SMARCB1: variants seen among roughly 807,000 people sequenced by gnomAD.
The protein encoded by SMARCB1 is SWI/SNF related BAF chromatin remodeling complex subunit B1, also known as SWI/SNF-related matrix-associated actin-dependent regulator of chromatin subfamily B member 1.
In SMARCB1, 5 loss-of-function variants were observed where a neutral mutation model predicts 49.0. The ratio of observed to expected loss-of-function variants is 0.10; its 90% CI spans 0.05 to 0.21. The LOEUF (loss-of-function observed/expected upper bound fraction) is 0.21. Among genes scored for constraint, SMARCB1 ranks in the 10% least tolerant of loss-of-function variants. SMARCB1 has a pLI of 1.00. For synonymous variants in SMARCB1, 201 were observed against 200.1 expected (o/e 1.00, Z -0.04); for missense variants, 226 against 509.2 (o/e 0.44, Z 5.35).
intron 4 of SMARCB1, 21 bp downstream of exon 4, chr22:23,801,102 T>A (rs1171142112): frequency 6.2e-7 from 1 of 1,614,086 alleles, no homozygotes; most frequent in Non-Finnish European, 8.5e-7. Flanking sequence ...ATCGCTGCAC[T>A]CACCCTCCGT....
chr22:23,834,574 G>A lies in SMARCB1; in HGVS notation c.*394G>A, dbSNP rs2030885606. ...ATAAAAATAATGAGAGCCAGGAGTG[G>A]GGCCGGGGCCTGGGGGGACGAAGGT... On this transcript the variant is annotated 3_prime_UTR_variant, in exon 9 of 9. Transcript: ENST00000644036. 1 of 693,128 alleles carries A rather than the reference G, an allele frequency of 1.4e-6. No individual in the cohort carries two copies. Among genetic ancestry groups the A allele is most frequent in the Non-Finnish European group, 2.6e-6 (1 of 387,592 alleles). The allele number at this position is 693,128 out of a possible 1,614,324, so 42.9% of individuals were successfully genotyped here. A position where few individuals can be genotyped will look rare whatever the true frequency, so the allele number is the denominator to read the frequency against.
Position 23,836,376 on chromosome 22 carries a change from T to TA in SMARCB1, c.*2197dup. ...AAGGCACCACTGGCAGGAACATCTGTAGGCTGGTTTGGCACAACCTAGGAG... is the reference window on the plus strand; with the variant it reads ...AAGGCACCACTGGCAGGAACATCTGTAAGGCTGGTTTGGCACAACCTAGGAG... On this transcript the variant is annotated 3_prime_UTR_variant, in exon 9 of 9. Coordinates refer to ENST00000644036, the MANE Select transcript of SMARCB1 (RefSeq NM_003073.5). 1.0e-6 allele frequency: 1 copy of TA among 985,574 alleles called. No individual in the cohort carries two copies. Among genetic ancestry groups the TA allele is most frequent in the Non-Finnish European group, 1.2e-6 (1 of 829,964 alleles). The allele number at this position is 985,574 out of a possible 1,614,324, so 61.1% of individuals were successfully genotyped here. A position where few individuals can be genotyped will look rare whatever the true frequency, so the allele number is the denominator to read the frequency against.
At position 23,837,504 on chromosome 22, in the gene SMARCB1, G is replaced by GT. The variant is rs370656125; in HGVS notation, c.*3325dup. On this transcript the variant is annotated 3_prime_UTR_variant, in exon 9 of 9. Transcript: ENST00000644036. ...TGTGGGCCGGCTGGCTTGAGGGGCTGTAAGAGCACAGCAGCTGGGAGGGCA... is the reference window on the plus strand; with the variant it reads ...TGTGGGCCGGCTGGCTTGAGGGGCTGTTAAGAGCACAGCAGCTGGGAGGGCA... The GT allele has an allele frequency of 3.7e-6, 3 of 820,268 alleles. No individual in the cohort carries two copies. The African/African-American group carries it at 5.2e-5, about 14-fold the overall frequency. The allele number at this position is 820,268 out of a possible 1,614,324, so 50.8% of individuals were successfully genotyped here.
intron 5 of SMARCB1, 48 bp from the exon 6 acceptor site, chr22:23,816,722 C>G (rs753904872): frequency 2.5e-5 from 39 of 1,553,238 alleles, no homozygotes; most frequent in Middle Eastern, 1.7e-4. Context: ...CGGTCCATGC[C>G]CAAGCATGGT....
chr22:23,802,126 T>C (rs1000192186), intron 4 of SMARCB1: 78 of 154,050 alleles, frequency 5.1e-4, no homozygotes, highest in Middle Eastern at 3.3e-3. Flanking sequence ...GCAGCTGGTG[T>C]GGCCTCTGCT....
rs558430956 is a variant in SMARCB1 at position 23,807,238 on chromosome 22, G to C, written c.628+3816G>C. Among the ~76,000 whole-genome samples the C allele has an allele frequency of 3.3e-3, 506 of 152,308 alleles. 1 individual carries two copies. The highest frequency in any genetic ancestry group is 0.012 in the African/African-American group (481 of 41,574). ...GGCAAAGGAGTGATTAGGGCCCTGA[G>C]TGTCTACACTTGGCTACAGAAGGCA... On this transcript the variant is annotated intron_variant, in intron 5 of 8. Transcript: ENST00000644036.
At chr22:23,812,085 C>T (rs531663844) in intron 5 of SMARCB1, among the ~76,000 whole-genome samples, 1 of 152,166 alleles carries the variant, frequency 6.6e-6, no homozygotes, top group Admixed American at 6.5e-5. Flanking sequence ...ACACAAAGTA[C>T]CACAACTCAT....
At chr22:23,829,295 G>A (rs11912668) in intron 7 of SMARCB1, among the ~76,000 whole-genome samples, 18,744 of 152,224 alleles carry the variant, frequency 0.12, 1,240 homozygotes, top group South Asian at 0.27. Flanking sequence ...TAGAACCTGG[G>A]GTGAGGATGG....
Position 23,837,197 on chromosome 22 carries a change from A to C in SMARCB1, c.*3017A>C, listed in dbSNP as rs762190806. 6.2e-7 allele frequency: 1 copy of C among 1,607,478 alleles called. No individual in the cohort carries two copies. The highest frequency in any genetic ancestry group is 8.5e-7 in the Non-Finnish European group (1 of 1,176,930). On this transcript the variant is annotated 3_prime_UTR_variant, in exon 9 of 9. Transcript: ENST00000644036. ...ACTGTGGGGTCACCCTCCACAGCCC[A>C]GAGTCCTAGACCAGCAGAGCCTGCC...
chr22:23,825,529 A>G (rs1457312377), intron 7 of SMARCB1, 114 bp downstream of exon 7: 14 of 924,128 alleles, frequency 1.5e-5, no homozygotes, highest in Non-Finnish European at 2.2e-5. Context: ...TCGCAGCACA[A>G]TCTGGCTGGG....
At position 23,837,170 on chromosome 22, in the gene SMARCB1, G is replaced by C; in HGVS notation, c.*2990G>C. On this transcript the variant is annotated 3_prime_UTR_variant, in exon 9 of 9. Transcript: ENST00000644036. ...ACCGCAATCCCTGTGAGACAGCCACGGACTGTGGGGTCACCCTCCACAGCC... is the reference window on the plus strand; with the variant it reads ...ACCGCAATCCCTGTGAGACAGCCACCGACTGTGGGGTCACCCTCCACAGCC... The C allele has an allele frequency of 6.2e-7, 1 of 1,613,234 alleles. No individual in the cohort carries two copies. The highest frequency in any genetic ancestry group is 8.5e-7 in the Non-Finnish European group (1 of 1,179,632).
At chr22:23,798,608 G>A (rs1015951547) in intron 3 of SMARCB1, among the ~76,000 whole-genome samples, 1 of 152,200 alleles carries the variant, frequency 6.6e-6, no homozygotes, top group African/African-American at 2.4e-5. Flanking sequence ...AGCATCAGAC[G>A]TGTAAGTGAT....
chr22:23,834,372 A>ACCCCCCCCCCCCCCCCCCCC lies in SMARCB1; in HGVS notation c.*196_*197insCCCCCCCCCCCCCCCCCCCC. 1 of 388,638 alleles carries ACCCCCCCCCCCCCCCCCCCC rather than the reference A, an allele frequency of 2.6e-6. No homozygotes were observed. Among genetic ancestry groups the ACCCCCCCCCCCCCCCCCCCC allele is most frequent in the Non-Finnish European group, 4.6e-6 (1 of 218,296 alleles). 24.1% of individuals were successfully genotyped at this position (388,638 alleles called of 1,614,324 possible). ...TTGTTGAGCCCCAGTCCTGCCCCCC[A>ACCCCCCCCCCCCCCCCCCCC]CCCCACCCTCCCTACCCCTCCCCAG... is the stretch of plus-strand genomic sequence containing the variant. On this transcript the variant is annotated 3_prime_UTR_variant, in exon 9 of 9. Coordinates refer to ENST00000644036, the MANE Select transcript of SMARCB1 (RefSeq NM_003073.5).
At chr22:23,796,743 G>A (rs1928772270) in intron 3 of SMARCB1, among the ~76,000 whole-genome samples, 1 of 152,152 alleles carries the variant, frequency 6.6e-6, no homozygotes, top group Non-Finnish European at 1.5e-5. Flanking sequence ...TTTATGGGGC[G>A]ATAAAACAGT....
chr22:23,801,240 C>A, intron 4 of SMARCB1, 159 bp downstream of exon 4: 2 of 1,041,632 alleles, frequency 1.9e-6, no homozygotes, highest in Non-Finnish European at 1.5e-6. Context: ...GTTTCCCTGA[C>A]TTCCAGGACA....
intron 5 of SMARCB1, among the ~76,000 whole-genome samples, chr22:23,809,558 G>A (rs1929735461): frequency 6.6e-6 from 1 of 151,956 alleles, no homozygotes; most frequent in South Asian, 2.1e-4. Context: ...TTACAGGCGT[G>A]AGCCACTGTG....
At chr22:23,830,529 C>T (rs941965838) in intron 7 of SMARCB1, among the ~76,000 whole-genome samples, 2 of 151,980 alleles carry the variant, frequency 1.3e-5, no homozygotes, top group African/African-American at 2.4e-5. Context: ...CATAGAAGTC[C>T]CTCATCAGAT....
Position 23,836,062 on chromosome 22 carries a change from G to A in SMARCB1, c.*1882G>A. ...TTAGAACAACAAGGAAAGCTGCCAG[G>A]TCAGAAGAGAAAAATGAGCCACAGG... is the stretch of plus-strand genomic sequence containing the variant. On this transcript the variant is annotated 3_prime_UTR_variant, in exon 9 of 9. Coordinates refer to ENST00000644036, the MANE Select transcript of SMARCB1 (RefSeq NM_003073.5). The A allele has an allele frequency of 1.0e-6, 1 of 985,522 alleles. No individual in the cohort carries two copies. Among genetic ancestry groups the A allele is most frequent in the Non-Finnish European group, 1.2e-6 (1 of 829,968 alleles). The allele number at this position is 985,522 out of a possible 1,614,324, so 61.0% of individuals were successfully genotyped here.
At chr22:23,804,573 T>A (rs1244088945) in intron 5 of SMARCB1, among the ~76,000 whole-genome samples, 14 of 151,182 alleles carry the variant, frequency 9.3e-5, no homozygotes. Context: ...AGATGGAGTC[T>A]CACTCTGTCG....
Sources: gnomAD v4.1 joint callset for allele counts (sites outside exome capture counted in the v4.1 genomes callset) on GRCh38, gnomAD v4.1.1 for gene constraint, MANE v1.5 for transcripts, NCBI Gene and HGNC (gene_info 2026-07-23, HGNC 2026-07-21) for gene names.